The following TAAR9 variants were observed in gnomAD, a reference collection of about 807,000 sequenced individuals.
The protein encoded by TAAR9 is trace amine associated receptor 9.
For synonymous variants in TAAR9, 162 were observed against 152.6 expected (o/e 1.06, Z -0.45); for missense variants, 453 against 409.4 (o/e 1.11, Z -0.92).
exon 1 of TAAR9, chr6:132,538,923 G>T: frequency 1.3e-6 from 2 of 1,589,814 alleles, no homozygotes; most frequent in African/African-American, 1.4e-5. Context: ...ACCCAATGTC[G>T]CCATGGTGTT....
chr6:132,539,204 T>C lies in TAAR9; in HGVS notation c.915T>C (p.Ala305=), dbSNP rs745860903. The stretch of plus-strand genomic sequence containing the variant: ...TTTGGTGTGTTTATTATAATTCAGC[T>C]ATGAACCCCTTGATTTATGCTTTCT... Residue 305 remains alanine, a synonymous_variant, in exon 1 of 1, where the codon GCT becomes GCC. Transcript: ENST00000434551. 5.7e-5 allele frequency: 92 copies of C among 1,606,930 alleles called. No homozygotes were observed. Among genetic ancestry groups the C allele is most frequent in the Middle Eastern group, 3.3e-4 (2 of 6,042 alleles).
chr6:132,538,807 A>G (rs779134414), exon 1 of TAAR9: 17 of 1,613,830 alleles, frequency 1.1e-5, no homozygotes, highest in Middle Eastern at 1.6e-4. Context: ...ACGGGAGCCA[A>G]CGAAGAAGGA....
exon 1 of TAAR9, chr6:132,539,157 CCTT>C (rs1353789678): frequency 6.3e-7 from 1 of 1,583,864 alleles, no homozygotes; most frequent in Non-Finnish European, 8.6e-7. Flanking sequence ...TATAACTCCT[CCTT>C]ATGTTTATGA....
At chr6:132,538,359 A>C (rs1213581035) in exon 1 of TAAR9, 1 of 1,613,632 alleles carries the variant, frequency 6.2e-7, no homozygotes, top group South Asian at 1.1e-5. Flanking sequence ...ATCCTGCATT[A>C]AAACTCCTTA....
exon 1 of TAAR9, chr6:132,539,033 A>G (rs1223239725): frequency 6.5e-7 from 1 of 1,528,906 alleles, no homozygotes; most frequent in African/African-American, 1.4e-5. Flanking sequence ...ACAAGGAAAG[A>G]GTAGCAAAAA....
At chr6:132,539,058 G>A in exon 1 of TAAR9, 1 of 1,531,180 alleles carries the variant, frequency 6.5e-7, no homozygotes, top group Non-Finnish European at 8.7e-7. Context: ...GAGAAAGGCT[G>A]CCAAAACCTT....
exon 1 of TAAR9, chr6:132,538,476 C>A: frequency 1.2e-6 from 2 of 1,613,262 alleles, no homozygotes; most frequent in Non-Finnish European, 1.7e-6. Context: ...CTTCAAACAA[C>A]TGCACACACC....
At chr6:132,538,659 T>C (rs764038849) in exon 1 of TAAR9, 1 of 1,605,978 alleles carries the variant, frequency 6.2e-7, no homozygotes, top group African/African-American at 1.3e-5. Flanking sequence ...ATTTCATTTA[T>C]GCTGTATCTC....
chr6:132,538,907 C>T, exon 1 of TAAR9: 1 of 1,601,986 alleles, frequency 6.2e-7, no homozygotes, highest in South Asian at 1.1e-5. Context: ...TTCTTCTATT[C>T]TTTATACCCA....
chr6:132,539,112 C>A (rs1389885581), exon 1 of TAAR9: 2 of 1,555,652 alleles, frequency 1.3e-6, no homozygotes, highest in Non-Finnish European at 1.7e-6. Context: ...GCTACCATAC[C>A]TCGTTGATGC....
chr6:132,539,046 G>C lies in TAAR9; in HGVS notation c.757G>C (p.Glu253Gln), dbSNP rs750752543. The C allele has an allele frequency of 3.3e-6, 5 of 1,529,214 alleles. No homozygotes were observed. The East Asian group carries it at 9.0e-5, about 28-fold the overall frequency. The allele number at this position is 1,529,214 out of a possible 1,614,324, so 94.7% of individuals were successfully genotyped here. ...TTACAAGGAAAGAGTAGCAAAAAGA[G>C]AGAGAAAGGCTGCCAAAACCTTGGG... is the stretch of plus-strand genomic sequence containing the variant. The change falls in exon 1 of 1, where the codon GAG becomes CAG. Residue 253 changes from glutamate to glutamine, a missense_variant. Coordinates refer to ENST00000434551, the Ensembl canonical transcript of TAAR9.
chr6:132,538,717 A>C (rs759902436), exon 1 of TAAR9: 1 of 1,613,630 alleles, frequency 6.2e-7, no homozygotes, highest in African/African-American at 1.3e-5. Context: ...TATCCAACCA[A>C]GTTTACTGTG....
At chr6:132,539,162 T>C (rs752706911) in exon 1 of TAAR9, 2 of 1,586,154 alleles carry the variant, frequency 1.3e-6, no homozygotes, top group Non-Finnish European at 1.7e-6. Context: ...CTCCTCCTTA[T>C]GTTTATGAGA....
At chr6:132,538,450 T>C (rs1454963307) in exon 1 of TAAR9, 1 of 1,613,640 alleles carries the variant, frequency 6.2e-7, no homozygotes, top group Admixed American at 1.7e-5. Context: ...TTACTGGTCA[T>C]GATTGCTATC....
chr6:132,538,844 C>T, exon 1 of TAAR9: 1 of 1,613,826 alleles, frequency 6.2e-7, no homozygotes, highest in African/African-American at 1.3e-5. Flanking sequence ...TTGCTCTAAC[C>T]TGTGTAGGAG....
exon 1 of TAAR9, chr6:132,538,561 T>C (rs752622374): frequency 1.2e-6 from 2 of 1,602,396 alleles, no homozygotes; most frequent in Non-Finnish European, 8.5e-7. Flanking sequence ...TTCAGCACAG[T>C]GAGGTCTGTG....
At chr6:132,538,612 A>G (rs773171106) in exon 1 of TAAR9, 29 of 1,589,848 alleles carry the variant, frequency 1.8e-5, no homozygotes, top group Non-Finnish European at 2.5e-5. Flanking sequence ...TGTAAATTCC[A>G]TACATGTTTT....
At chr6:132,538,412 T>C in exon 1 of TAAR9, 1 of 1,613,818 alleles carries the variant, frequency 6.2e-7, no homozygotes, top group Non-Finnish European at 8.5e-7. Context: ...TCCTTGGTTT[T>C]GGGGCTGTGC....
upstream of TAAR9, chr6:132,538,280 C>T: frequency 6.5e-7 from 1 of 1,542,948 alleles, no homozygotes; most frequent in South Asian, 1.2e-5. Context: ...ATAGTTCAAA[C>T]AAGAAAGCAA....
Sources: allele counts gnomAD v4.1 joint callset, GRCh38; gene constraint gnomAD v4.1.1; transcripts MANE v1.5; gene names NCBI Gene and HGNC (gene_info 2026-07-23, HGNC 2026-07-21).